Variants in POLA1 observed in about 807,000 individuals in gnomAD.
POLA1 encodes DNA polymerase alpha 1, catalytic subunit.
In POLA1, 15 loss-of-function variants were observed where a neutral mutation model predicts 124.0. That is an observed-to-expected ratio of 0.12 (90% CI 0.08 to 0.19). The LOEUF (loss-of-function observed/expected upper bound fraction) is 0.19. Among genes scored for constraint, POLA1 ranks in the 10% least tolerant of loss-of-function variants. POLA1 has a pLI of 1.00. For missense variants in POLA1, 886 were observed against 1,103.4 expected (o/e 0.80, Z 2.79); for synonymous variants, 408 against 389.4 (o/e 1.05, Z -0.56).
At chrX:24,742,888 GA>G (rs1323518060) in intron 22 of POLA1, among the ~76,000 whole-genome samples, 2 of 111,891 alleles carry the variant, frequency 1.8e-5, no homozygotes, top group Non-Finnish European at 3.8e-5. Context: ...GTGATTTTAA[GA>G]GGGCTGTTTT....
At chrX:24,738,664 G>A (rs1175433517) in intron 19 of POLA1, among the ~76,000 whole-genome samples, 1 of 111,474 alleles carries the variant, frequency 9.0e-6, no homozygotes, top group Non-Finnish European at 1.9e-5. Flanking sequence ...AAGCCAATGT[G>A]TACTTTTCAT....
At chrX:24,874,641 A>G (rs138711181) in intron 34 of POLA1, among the ~76,000 whole-genome samples, 2,949 of 112,117 alleles carry the variant, frequency 0.026, 87 homozygotes, top group African/African-American at 0.089. Context: ...TTAGCTGCAC[A>G]TTAGAATCAC....
intron 29 of POLA1, 87 bp from the exon 30 acceptor site, chrX:24,814,892 A>T: frequency 3.7e-6 from 3 of 821,304 alleles, no homozygotes; most frequent in Non-Finnish European, 5.0e-6. Flanking sequence ...ATCTAATGGC[A>T]TTTCTCTTCC....
intron 26 of POLA1, among the ~76,000 whole-genome samples, chrX:24,756,781 C>T (rs1932631281): frequency 9.0e-6 from 1 of 111,001 alleles, no homozygotes; most frequent in Admixed American, 9.6e-5. Flanking sequence ...AACGCTGGTT[C>T]TTATGTTTCA....
At chrX:24,853,326 A>G (rs966353679) in intron 34 of POLA1, among the ~76,000 whole-genome samples, 2 of 112,115 alleles carry the variant, frequency 1.8e-5, no homozygotes, top group African/African-American at 6.5e-5. Context: ...AAATCTGGTA[A>G]TGATATGGTT....
Position 24,737,722 on chromosome X carries a change from C to A in POLA1, c.2021C>A (p.Ser674Tyr). 1 of 1,097,239 alleles carries A rather than the reference C, an allele frequency of 9.1e-7. No individual in the cohort carries two copies. The highest frequency in any genetic ancestry group is 1.3e-6 in the Non-Finnish European group (1 of 799,191). 90.4% of individuals were successfully genotyped at this position (1,097,239 alleles called of 1,213,427 possible). A position where few individuals can be genotyped will look rare whatever the true frequency, so the allele number is the denominator to read the frequency against. The change falls in exon 19 of 37, where the codon TCC becomes TAC. Residue 674 changes from serine (S) to tyrosine (Y), a missense_variant. By Grantham distance (144) the Ser-to-Tyr change is moderately radical (BLOSUM62 -2). Around this residue, in one of 7 missense-constraint regions of POLA1, gnomAD observed 182 missense variants for 252.8 expected, o/e 0.72. Coordinates refer to ENST00000379068, the MANE Select transcript of POLA1 (RefSeq NM_001330360.2). ...HWSKIGRLKR[S>Y]NMPKLGGRSG... ...TCCAAGATAGGTCGACTGAAGCGAT[C>A]CAACATGCCAAAGCTTGGGGTAATA...
intron 4 of POLA1, among the ~76,000 whole-genome samples, chrX:24,711,588 A>G (rs1929438171): frequency 9.0e-6 from 1 of 111,639 alleles, no homozygotes; most frequent in African/African-American, 3.3e-5. Flanking sequence ...TGGCTCAAAG[A>G]GTAGCTACGC....
intron 35 of POLA1, among the ~76,000 whole-genome samples, chrX:24,891,355 T>A (rs999241107): frequency 3.6e-5 from 4 of 111,363 alleles, no homozygotes; most frequent in African/African-American, 9.8e-5. Flanking sequence ...AGCAGGCTGG[T>A]TGGTGATACT....
chrX:24,760,258 G>A (rs1932773486), intron 26 of POLA1, among the ~76,000 whole-genome samples: 1 of 111,208 alleles, frequency 9.0e-6, no homozygotes, highest in African/African-American at 3.3e-5. Context: ...GCAGATAGAT[G>A]GATTGGAGAG....
At chrX:24,725,383 A>G (rs1300199883) in intron 12 of POLA1, among the ~76,000 whole-genome samples, 1 of 109,581 alleles carries the variant, frequency 9.1e-6, no homozygotes, top group East Asian at 2.9e-4. Flanking sequence ...TTTTTAGTAG[A>G]GCTGGAGTTT....
chrX:24,767,608 T>G (rs1932937769), intron 26 of POLA1, among the ~76,000 whole-genome samples: 1 of 112,213 alleles, frequency 8.9e-6, no homozygotes, highest in African/African-American at 3.2e-5. Flanking sequence ...TCATGTTATT[T>G]TGAGGTTTAT....
At chrX:24,871,117 T>A (rs1225118983) in intron 34 of POLA1, among the ~76,000 whole-genome samples, 4 of 112,134 alleles carry the variant, frequency 3.6e-5, no homozygotes, top group Admixed American at 1.9e-4. Context: ...CTTTTATCTG[T>A]CATTGTAGCA....
intron 1 of POLA1, among the ~76,000 whole-genome samples, chrX:24,695,218 T>A (rs1355304263): frequency 3.6e-5 from 4 of 111,808 alleles, no homozygotes; most frequent in Non-Finnish European, 7.5e-5. Context: ...CTAGTGTCTG[T>A]CTGCTTTTGG....
intron 4 of POLA1, 133 bp downstream of exon 4, chrX:24,704,602 T>C: frequency 6.8e-6 from 3 of 443,184 alleles, no homozygotes; most frequent in Non-Finnish European, 1.2e-5. Flanking sequence ...ATACGGAATA[T>C]GTTCTAAGAT....
At chrX:24,939,657 G>T (rs183216534) in intron 36 of POLA1, among the ~76,000 whole-genome samples, 1 of 111,698 alleles carries the variant, frequency 9.0e-6, no homozygotes, top group African/African-American at 3.2e-5. Flanking sequence ...TTAGTTTAGA[G>T]CTGGAACTCA....
chrX:24,736,604 C>G (rs1332077539), intron 18 of POLA1, among the ~76,000 whole-genome samples: 1 of 112,074 alleles, frequency 8.9e-6, no homozygotes, highest in East Asian at 2.8e-4. Flanking sequence ...GAGACTTCCT[C>G]AAGGCCTTTG....
At chrX:24,928,770 T>C (rs1370999051) in intron 35 of POLA1, among the ~76,000 whole-genome samples, 2 of 111,996 alleles carry the variant, frequency 1.8e-5, no homozygotes, top group Admixed American at 1.9e-4. Flanking sequence ...GTCCTCCTTT[T>C]TTTTCCCCCA....
intron 35 of POLA1, among the ~76,000 whole-genome samples, chrX:24,915,524 G>T (rs1425823716): frequency 2.7e-5 from 3 of 111,565 alleles, no homozygotes; most frequent in Non-Finnish European, 5.6e-5. Context: ...TATATATGAA[G>T]TTGCTCTATA....
In POLA1 at chrX:24,928,746, A is replaced by G. The variant is rs747791624; in HGVS notation, c.4165-1707A>G. ...CTGAATCTAAAAAACTAAACAAATA[A>G]CTTAATCGCTGTCGTCCTCCTTTTT... On this transcript the variant is annotated intron_variant, in intron 35 of 36. Transcript: ENST00000379068. 5.4e-5 allele frequency among the ~76,000 whole-genome samples: 6 copies of G among 112,052 alleles called. No homozygotes were observed. The South Asian group carries it at 2.3e-3, about 42-fold the overall frequency.
Sources: gnomAD v4.1 joint callset for allele counts (sites outside exome capture counted in the v4.1 genomes callset) on GRCh38, gnomAD v4.1.1 for gene constraint, gnomAD v4.1.1 regional missense constraint, MANE v1.5 for transcripts, NCBI Gene and HGNC (gene_info 2026-07-23, HGNC 2026-07-21) for gene names.